OSBPL10: variants seen among roughly 807,000 people sequenced by gnomAD.
OSBPL10 encodes oxysterol-binding protein-related protein 10.
In OSBPL10, 49 loss-of-function variants were observed where a neutral mutation model predicts 81.7. That is an observed-to-expected ratio of 0.60 (90% CI 0.48 to 0.76). OSBPL10 has a LOEUF of 0.76. Among genes scored for constraint, OSBPL10 ranks in the 30% least tolerant of loss-of-function variants. The pLI, the probability that OSBPL10 is intolerant of heterozygous loss-of-function variation, is 0.00. For missense variants in OSBPL10, 923 were observed against 987.8 expected, an observed-to-expected ratio of 0.93 and a Z score of 0.88; for synonymous variants, 419 against 383.6, an observed-to-expected ratio of 1.09 and a Z score of -1.08.
chr3:31,825,381 G>A (rs1165355073), intron 4 of OSBPL10, among the ~76,000 whole-genome samples: 1 of 152,044 alleles, frequency 6.6e-6, no homozygotes, highest in African/African-American at 2.4e-5. Context: ...GAGTGCAGTG[G>A]GGCAATCGTT....
intron 4 of OSBPL10, among the ~76,000 whole-genome samples, chr3:31,780,066 G>A (rs1031097593): frequency 2.6e-5 from 4 of 152,174 alleles, no homozygotes; most frequent in African/African-American, 9.7e-5. Flanking sequence ...GCCAAGGCAG[G>A]TGGATCATGA....
chr3:31,952,929 C>CTTTT (rs57873437), intron 1 of OSBPL10, among the ~76,000 whole-genome samples: 6 of 116,538 alleles, frequency 5.1e-5, no homozygotes, highest in Admixed American at 9.1e-5. Context: ...AATCTTCCTA[C>CTTTT]TTTTTTTTTT....
At chr3:32,058,151 A>G (rs1428179077) in intron 1 of OSBPL10, among the ~76,000 whole-genome samples, 1 of 152,248 alleles carries the variant, frequency 6.6e-6, no homozygotes, top group African/African-American at 2.4e-5. Flanking sequence ...ACTTTAGTTA[A>G]TGATATGAAT....
intron 6 of OSBPL10, among the ~76,000 whole-genome samples, chr3:31,731,681 G>T (rs1344705874): frequency 6.6e-6 from 1 of 152,050 alleles, no homozygotes; most frequent in African/African-American, 2.4e-5. Context: ...TAGAGATGGG[G>T]TTTCACCATG....
chr3:31,801,616 C>CAGACAAA (rs1699380480), intron 4 of OSBPL10, among the ~76,000 whole-genome samples: 1 of 152,304 alleles, frequency 6.6e-6, no homozygotes, highest in East Asian at 1.9e-4. Context: ...GTTCACACTG[C>CAGACAAA]AGACAAAAGA....
chr3:31,772,768 C>T (rs1339201776), intron 4 of OSBPL10, among the ~76,000 whole-genome samples: 1 of 152,186 alleles, frequency 6.6e-6, no homozygotes, highest in Admixed American at 6.5e-5. Flanking sequence ...AAAAGCACTG[C>T]AAGTATCAAT....
chr3:32,026,995 G>A (rs569831419), intron 2 of OSBPL10, among the ~76,000 whole-genome samples: 52 of 152,248 alleles, frequency 3.4e-4, no homozygotes, highest in African/African-American at 1.1e-3. Flanking sequence ...AATAACAGCC[G>A]TGGCCAGTGG....
At chr3:31,877,482 GCA>G (rs1327788892) in intron 2 of OSBPL10, among the ~76,000 whole-genome samples, 1 of 151,620 alleles carries the variant, frequency 6.6e-6, no homozygotes, top group Non-Finnish European at 1.5e-5. Context: ...AATATCATGG[GCA>G]CACAACAGGT....
chr3:31,784,867 T>C (rs1267542565), intron 4 of OSBPL10, among the ~76,000 whole-genome samples: 1 of 98,434 alleles, frequency 1.0e-5, no homozygotes, highest in African/African-American at 4.0e-5. Context: ...TATGACTTAA[T>C]ATAACTTTTT....
At chr3:32,011,282 G>C (rs1575085202) in intron 2 of OSBPL10, among the ~76,000 whole-genome samples, 1 of 152,196 alleles carries the variant, frequency 6.6e-6, no homozygotes, top group Admixed American at 6.5e-5. Context: ...TTGCTGTTCA[G>C]CAATATTCAC....
intron 1 of OSBPL10, among the ~76,000 whole-genome samples, chr3:31,956,610 C>A (rs1698014681): frequency 6.6e-6 from 1 of 152,074 alleles, no homozygotes; most frequent in Non-Finnish European, 1.5e-5. Flanking sequence ...CACCTGTATT[C>A]CCAGCCACTC....
At chr3:31,916,701 G>A (rs972130325) in intron 1 of OSBPL10, among the ~76,000 whole-genome samples, 2 of 152,082 alleles carry the variant, frequency 1.3e-5, no homozygotes, top group African/African-American at 4.8e-5. Flanking sequence ...ACCTTTCCCT[G>A]ATAACATAAA....
intron 1 of OSBPL10, among the ~76,000 whole-genome samples, chr3:31,892,333 C>T (rs1186479770): frequency 6.6e-6 from 1 of 152,134 alleles, no homozygotes; most frequent in Non-Finnish European, 1.5e-5. Context: ...GCCTACAAGG[C>T]GTGGCGGGAC....
At chr3:31,799,919 AGGCTG>A (rs1201383785) in intron 4 of OSBPL10, among the ~76,000 whole-genome samples, 1 of 152,180 alleles carries the variant, frequency 6.6e-6, no homozygotes, top group Non-Finnish European at 1.5e-5. Flanking sequence ...AATATTGGCC[AGGCTG>A]GTCTCGAACT....
chr3:31,908,710 G>A (rs1477369571), intron 1 of OSBPL10, among the ~76,000 whole-genome samples: 1 of 152,156 alleles, frequency 6.6e-6, no homozygotes, highest in Non-Finnish European at 1.5e-5. Context: ...GTGATTCCCT[G>A]GGTTGTGTCG....
At chr3:31,841,429 G>C (rs1330512768) in intron 3 of OSBPL10, among the ~76,000 whole-genome samples, 2 of 152,188 alleles carry the variant, frequency 1.3e-5, no homozygotes, top group Admixed American at 6.5e-5. Flanking sequence ...ATCTTTAGCA[G>C]TATTTGTGGT....
intron 3 of OSBPL10, among the ~76,000 whole-genome samples, chr3:31,855,972 T>G (rs538075263): frequency 6.6e-6 from 1 of 151,908 alleles, no homozygotes; most frequent in African/African-American, 2.4e-5. Flanking sequence ...TGCAATAAAC[T>G]AGTTCAACTG....
chr3:31,851,095 C>A (rs537483984), intron 3 of OSBPL10, among the ~76,000 whole-genome samples: 1 of 152,328 alleles, frequency 6.6e-6, no homozygotes, highest in East Asian at 1.9e-4. Context: ...AGATAGATGT[C>A]TTTTTCTCAT....
At chr3:31,810,460 T>TAA (rs1553628473) in intron 4 of OSBPL10, among the ~76,000 whole-genome samples, 3 of 151,360 alleles carry the variant, frequency 2.0e-5, no homozygotes, top group Admixed American at 6.6e-5. Context: ...TCCAAATCTC[T>TAA]AAAGATTGAC....
Sources: gnomAD v4.1 joint callset for allele counts (sites outside exome capture counted in the v4.1 genomes callset) on GRCh38, gnomAD v4.1.1 for gene constraint, MANE v1.5 for transcripts, NCBI Gene and HGNC (gene_info 2026-07-23, HGNC 2026-07-21) for gene names.